Variants in LRGUK observed in about 807,000 individuals in gnomAD.
The protein encoded by LRGUK is leucine rich repeats and guanylate kinase domain containing.
In LRGUK, 65 loss-of-function variants were observed where a neutral mutation model predicts 76.0. The ratio of observed to expected loss-of-function variants is 0.85; its 90% CI spans 0.70 to 1.05. LRGUK has a LOEUF of 1.05. LRGUK is among the 50% of genes least tolerant of loss of function. The pLI, the probability that LRGUK is intolerant of heterozygous loss-of-function variation, is 0.00. For missense variants in LRGUK, 758 were observed against 732.8 expected (o/e 1.03, Z -0.40); for synonymous variants, 268 against 265.6 (o/e 1.01, Z -0.09).
chr7:134,156,207 T>A (rs1312912375), intron 5 of LRGUK, among the ~76,000 whole-genome samples: 4 of 152,236 alleles, frequency 2.6e-5, no homozygotes, highest in Admixed American at 2.0e-4. Context: ...TCTTTTCATG[T>A]GTTTATTAGC....
intron 18 of LRGUK, among the ~76,000 whole-genome samples, chr7:134,257,178 G>C (rs1282383549): frequency 6.6e-6 from 1 of 152,182 alleles, no homozygotes; most frequent in Non-Finnish European, 1.5e-5. Flanking sequence ...TCTGCCATGA[G>C]AGCTGCATTC....
intron 4 of LRGUK, among the ~76,000 whole-genome samples, chr7:134,147,098 G>C (rs1008255818): frequency 6.6e-6 from 1 of 152,084 alleles, no homozygotes; most frequent in Non-Finnish European, 1.5e-5. Context: ...TAAAGTTGAA[G>C]AGGCATTGCC....
chr7:134,220,832 A>C (rs140387129), intron 15 of LRGUK, among the ~76,000 whole-genome samples: 242 of 152,200 alleles, frequency 1.6e-3, no homozygotes, highest in African/African-American at 5.5e-3. Flanking sequence ...AGCCTCCCAA[A>C]GTGCTGAGAT....
rs147941675 is a variant in LRGUK at position 134,138,837 on chromosome 7, C to G, written c.406-599C>G. The stretch of plus-strand genomic sequence containing the variant: ...GATTCAAGAGACTTAGATACTGCTT[C>G]TCTATAACTAACTTGCTGTGTGATT... On this transcript the variant is annotated intron_variant, in intron 2 of 15. Coordinates refer to ENST00000645682, the Ensembl canonical transcript of LRGUK. Among the ~76,000 whole-genome samples the G allele has an allele frequency of 1.1e-3, 171 of 152,312 alleles. 2 individuals carry two copies. The highest frequency in any genetic ancestry group is 1.1e-3 in the Non-Finnish European group (76 of 68,028).
At chr7:134,248,108 T>G (rs1223790475) in intron 17 of LRGUK, among the ~76,000 whole-genome samples, 2 of 152,214 alleles carry the variant, frequency 1.3e-5, no homozygotes, top group African/African-American at 4.8e-5. Flanking sequence ...GTAGGCTATC[T>G]TTGGATAGTC....
chr7:134,257,899 C>G (rs898541728), intron 18 of LRGUK, among the ~76,000 whole-genome samples: 3 of 152,138 alleles, frequency 2.0e-5, no homozygotes, highest in Non-Finnish European at 4.4e-5. Context: ...TTTTGTTTCT[C>G]TATCCTTGAA....
intron 19 of LRGUK, among the ~76,000 whole-genome samples, chr7:134,259,874 A>G (rs895474927): frequency 3.3e-5 from 5 of 152,146 alleles, no homozygotes; most frequent in South Asian, 2.1e-4. Flanking sequence ...AAGGCTCATC[A>G]TAGTTCTAGC....
Position 134,163,448 on chromosome 7 carries a change from C to T in LRGUK, c.847C>T (p.Gln283Ter). The T allele has an allele frequency of 6.2e-7, 1 of 1,613,876 alleles. No individual in the cohort carries two copies. Among genetic ancestry groups the T allele is most frequent in the Non-Finnish European group, 8.5e-7 (1 of 1,179,894 alleles). Residue 283 changes from glutamine (Q) to a stop codon, truncating the protein, a stop_gained, in exon 7 of 16, where the codon CAG (glutamine) becomes TAG (stop). Transcript: ENST00000645682. LOFTEE classifies it high-confidence loss of function. ...AGGTTTGGAGGATCTGAAAGCCCTGCAGAACCTGGATCTGTCCCACAATCA... is the reference window on the plus strand; with the variant it reads ...AGGTTTGGAGGATCTGAAAGCCCTGTAGAACCTGGATCTGTCCCACAATCA...
At chr7:134,233,648 C>CT (rs1443893638) in intron 16 of LRGUK, among the ~76,000 whole-genome samples, 1 of 152,160 alleles carries the variant, frequency 6.6e-6, no homozygotes, top group Non-Finnish European at 1.5e-5. Context: ...TTAGGAATGT[C>CT]TATTTTGATT....
intron 1 of LRGUK, among the ~76,000 whole-genome samples, chr7:134,136,268 G>A (rs1287304368): frequency 6.6e-6 from 1 of 152,102 alleles, no homozygotes; most frequent in Admixed American, 6.6e-5. Context: ...GGGTGCCCTT[G>A]GTTCTTGTGA....
exon 4 of LRGUK, chr7:134,143,100 C>G: frequency 1.2e-6 from 2 of 1,610,274 alleles, no homozygotes; most frequent in Non-Finnish European, 1.7e-6. Flanking sequence ...TCTCCTAGAA[C>G]TTAATGCTTC....
chr7:134,184,387 A>T (rs1451603134), intron 11 of LRGUK, among the ~76,000 whole-genome samples: 2 of 151,152 alleles, frequency 1.3e-5, no homozygotes, highest in African/African-American at 4.9e-5. Context: ...CTCCTGCCTC[A>T]GCCTCCCAAG....
chr7:134,267,204 T>C (rs993691680), downstream of LRGUK, among the ~76,000 whole-genome samples: 2 of 151,374 alleles, frequency 1.3e-5, no homozygotes, highest in Non-Finnish European at 2.9e-5. Context: ...GAAAGAAAAA[T>C]GGAAAGAGTA....
At chr7:134,134,195 T>C (rs956790025) in intron 1 of LRGUK, among the ~76,000 whole-genome samples, 3 of 152,150 alleles carry the variant, frequency 2.0e-5, no homozygotes, top group Non-Finnish European at 1.5e-5. Flanking sequence ...TTGTGGTCAG[T>C]GAACAAGTTC....
chr7:134,135,176 G>T (rs1162219900), intron 1 of LRGUK, among the ~76,000 whole-genome samples: 1 of 152,154 alleles, frequency 6.6e-6, no homozygotes, highest in Non-Finnish European at 1.5e-5. Context: ...TAGAGGAAGG[G>T]GAGGAGGGAT....
chr7:134,255,851 G>A (rs1802565337), intron 18 of LRGUK, among the ~76,000 whole-genome samples: 1 of 152,036 alleles, frequency 6.6e-6, no homozygotes, highest in African/African-American at 2.4e-5. Flanking sequence ...CTTGGTCTCA[G>A]CATGATTCCT....
chr7:134,229,206 T>C, intron 16 of LRGUK, among the ~76,000 whole-genome samples: 1 of 152,008 alleles, frequency 6.6e-6, no homozygotes, highest in East Asian at 1.9e-4. Flanking sequence ...CTACTAAAAA[T>C]ACAAAAATTA....
downstream of LRGUK, among the ~76,000 whole-genome samples, chr7:134,268,385 T>C (rs376674587): frequency 6.6e-6 from 1 of 150,954 alleles, no homozygotes; most frequent in African/African-American, 2.5e-5. Flanking sequence ...ACAAACTCTT[T>C]TCTTAAAAAA....
downstream of LRGUK, among the ~76,000 whole-genome samples, chr7:134,215,242 A>G (rs1175477927): frequency 6.6e-6 from 1 of 152,124 alleles, no homozygotes; most frequent in African/African-American, 2.4e-5. Context: ...GTCATAAAAC[A>G]CCTTTACTAT....
Sources: gnomAD v4.1 joint callset for allele counts (sites outside exome capture counted in the v4.1 genomes callset) on GRCh38, gnomAD v4.1.1 for gene constraint, MANE v1.5 for transcripts, NCBI Gene and HGNC (gene_info 2026-07-23, HGNC 2026-07-21) for gene names.